Variants in ZPBP observed in about 807,000 individuals in gnomAD.
ZPBP encodes the protein zona pellucida binding protein, also known as zona pellucida-binding protein 1.
A neutral mutation model predicts 44.8 loss-of-function variants in ZPBP; 26 were observed. That is an observed-to-expected ratio of 0.58 (90% CI 0.43 to 0.81). The LOEUF (loss-of-function observed/expected upper bound fraction) is 0.81. ZPBP is among the 30% of genes least tolerant of loss of function. The pLI, the probability that ZPBP is intolerant of heterozygous loss-of-function variation, is 0.00. For synonymous variants in ZPBP, 174 were observed against 153.2 expected, an observed-to-expected ratio of 1.14 and a Z score of -1.00; for missense variants, 409 against 434.0, an observed-to-expected ratio of 0.94 and a Z score of 0.51.
rs1220691094 is a variant in ZPBP at position 49,877,481 on chromosome 7, A to AAT, written n.509+23635_509+23636dup. 6.1e-3 allele frequency among the ~76,000 whole-genome samples: 77 copies of AAT among 12,722 alleles called. 1 individual carries two copies. Among genetic ancestry groups the AAT allele is most frequent in the Non-Finnish European group, 7.5e-3 (52 of 6,946 alleles). The allele number at this position is 12,722 out of a possible 152,430, so 8.3% of individuals were successfully genotyped here. On this transcript the variant is annotated intron_variant and non_coding_transcript_variant, in intron 2 of 2. Coordinates refer to the ZPBP transcript ENST00000465922. ...CTGTCTCAAAAAAAAAAAAAAAAAA[A>AAT]ATATATATATATATATATATATATA...
At chr7:49,949,060 T>G (rs569409092) in intron 7 of ZPBP, among the ~76,000 whole-genome samples, 193 of 152,116 alleles carry the variant, frequency 1.3e-3, no homozygotes, top group African/African-American at 4.3e-3. Flanking sequence ...AAGATTAATC[T>G]CCTTATAAGA....
At chr7:49,855,048 C>T (rs1036583375) in intron 2 of ZPBP, among the ~76,000 whole-genome samples, 4 of 152,112 alleles carry the variant, frequency 2.6e-5, no homozygotes, top group African/African-American at 7.2e-5. Context: ...GAGGAGTTCT[C>T]GGCTTCTATA....
intron 3 of ZPBP, among the ~76,000 whole-genome samples, chr7:50,064,050 G>A (rs576449261): frequency 1.1e-4 from 16 of 152,236 alleles, no homozygotes; most frequent in East Asian, 3.9e-4. Context: ...CGATAATTAC[G>A]TATGTTCTTT....
chr7:49,867,399 T>C (rs1344662230), intron 2 of ZPBP, among the ~76,000 whole-genome samples: 2 of 152,188 alleles, frequency 1.3e-5, no homozygotes, highest in East Asian at 3.8e-4. Flanking sequence ...AGGACAGATC[T>C]GGAGGACGAA....
chr7:49,905,600 C>A (rs770661051), intron 1 of ZPBP, among the ~76,000 whole-genome samples: 4 of 152,050 alleles, frequency 2.6e-5, no homozygotes, highest in Non-Finnish European at 1.5e-5. Context: ...AACTACAATA[C>A]AATAGAAAAC....
intron 6 of ZPBP, among the ~76,000 whole-genome samples, chr7:49,988,150 G>T (rs562400292): frequency 2.2e-4 from 33 of 152,180 alleles, no homozygotes; most frequent in African/African-American, 7.2e-4. Context: ...GCACTAATCT[G>T]CTCTTTAGCT....
At chr7:50,003,248 C>T (rs1169661352) in intron 6 of ZPBP, among the ~76,000 whole-genome samples, 1 of 152,030 alleles carries the variant, frequency 6.6e-6, no homozygotes, top group African/African-American at 2.4e-5. Context: ...TGTCCTTTTT[C>T]CCCCATGGAA....
intron 7 of ZPBP, among the ~76,000 whole-genome samples, chr7:49,980,287 AT>A (rs1462759244): frequency 1.6e-5 from 1 of 60,810 alleles, no homozygotes; most frequent in African/African-American, 5.3e-5. Flanking sequence ...TATATATAAT[AT>A]AAATATATAA....
downstream of ZPBP, among the ~76,000 whole-genome samples, chr7:49,934,847 T>G (rs1428234039): frequency 6.6e-6 from 1 of 152,142 alleles, no homozygotes; most frequent in African/African-American, 2.4e-5. Flanking sequence ...TAAGAAAAAC[T>G]TAAATTAATG....
At chr7:50,059,409 T>A (rs895998530) in intron 3 of ZPBP, among the ~76,000 whole-genome samples, 1 of 152,218 alleles carries the variant, frequency 6.6e-6, no homozygotes, top group African/African-American at 2.4e-5. Flanking sequence ...CCTTGAGAAC[T>A]TCCATTTCTA....
At chr7:49,969,488 A>G (rs1459659398) in intron 7 of ZPBP, among the ~76,000 whole-genome samples, 5 of 142,608 alleles carry the variant, frequency 3.5e-5, no homozygotes, top group Non-Finnish European at 7.6e-5. Context: ...AACCTATCTC[A>G]GATAACTTCA....
At chr7:49,867,340 G>A (rs1006085998) in intron 2 of ZPBP, among the ~76,000 whole-genome samples, 6 of 152,178 alleles carry the variant, frequency 3.9e-5, no homozygotes, top group African/African-American at 9.7e-5. Context: ...CAGAAAGGCC[G>A]TCCTTACATT....
intron 1 of ZPBP, among the ~76,000 whole-genome samples, chr7:50,090,160 T>C (rs536732672): frequency 3.3e-5 from 5 of 152,262 alleles, no homozygotes; most frequent in South Asian, 4.1e-4. Flanking sequence ...ACATAAATTC[T>C]TTAGTAAGGA....
chr7:50,063,265 G>A (rs1035655165), intron 3 of ZPBP, among the ~76,000 whole-genome samples: 1 of 151,972 alleles, frequency 6.6e-6, no homozygotes, highest in African/African-American at 2.4e-5. Context: ...GGGGGAATTG[G>A]GTTTTCTTAT....
At chr7:49,874,689 C>A (rs909231474) in intron 2 of ZPBP, among the ~76,000 whole-genome samples, 1 of 152,084 alleles carries the variant, frequency 6.6e-6, no homozygotes, top group Non-Finnish European at 1.5e-5. Flanking sequence ...TTGCTGTAAC[C>A]TTTACTTATA....
intron 7 of ZPBP, among the ~76,000 whole-genome samples, chr7:49,938,955 T>A (rs1327556903): frequency 1.4e-4 from 22 of 152,230 alleles, no homozygotes; most frequent in Admixed American, 1.4e-3. Flanking sequence ...TTTGCCATTC[T>A]ATGTTCCAAA....
intron 4 of ZPBP, among the ~76,000 whole-genome samples, chr7:50,048,507 A>G (rs1800504986): frequency 6.6e-6 from 1 of 152,138 alleles, no homozygotes; most frequent in Admixed American, 6.6e-5. Flanking sequence ...ATTTTCTCTG[A>G]TAAAGTAAAA....
chr7:50,033,391 C>A (rs948149206), intron 4 of ZPBP, among the ~76,000 whole-genome samples: 3 of 152,090 alleles, frequency 2.0e-5, no homozygotes, highest in African/African-American at 7.2e-5. Context: ...TCCAATTAAT[C>A]CCTTGGAAAA....
At chr7:49,878,183 T>C (rs1326852347) in intron 2 of ZPBP, among the ~76,000 whole-genome samples, 1 of 151,994 alleles carries the variant, frequency 6.6e-6, no homozygotes, top group Non-Finnish European at 1.5e-5. Flanking sequence ...CTCCAAACAC[T>C]CCCTCTCACA....
Sources: gnomAD v4.1 joint callset for allele counts (sites outside exome capture counted in the v4.1 genomes callset) on GRCh38, gnomAD v4.1.1 for gene constraint, MANE v1.5 for transcripts, NCBI Gene and HGNC (gene_info 2026-07-23, HGNC 2026-07-21) for gene names.